Variants in WWC1 observed in about 807,000 individuals in gnomAD.
WWC1 encodes the protein WW and C2 domain containing 1.
Under a neutral mutation model 138.4 loss-of-function variants are expected in WWC1, and 55 were observed. That is an observed-to-expected ratio of 0.40 (90% CI 0.32 to 0.50). WWC1 has a LOEUF of 0.50. WWC1 is among the 20% of genes least tolerant of loss of function. The pLI, the probability that WWC1 is intolerant of heterozygous loss-of-function variation, is 0.72. For synonymous variants in WWC1, 524 were observed against 564.9 expected (o/e 0.93, Z 1.03); for missense variants, 1,226 against 1,420.4 (o/e 0.86, Z 2.20).
rs1225534681 is a variant in WWC1 at position 168,465,028 on chromosome 5, C to CG, written c.3150+70dup. 3.2e-6 allele frequency: 5 copies of CG among 1,560,168 alleles called. No homozygotes were observed. In the African/African-American group the frequency reaches 4.1e-5, roughly 13 times the overall value. On this transcript the variant is annotated intron_variant, in intron 21 of 22. Coordinates refer to ENST00000265293, the MANE Select transcript of WWC1 (RefSeq NM_015238.3). ...CCCAGAGAGTCGGGGGGCACTGCCCCGGGGAAGAGAGGCCAGAGCTCATGA... is the reference window on the plus strand; with the variant it reads ...CCCAGAGAGTCGGGGGGCACTGCCCCGGGGGAAGAGAGGCCAGAGCTCATGA...
At chr5:168,362,218 C>T (rs1240749828) in intron 1 of WWC1, among the ~76,000 whole-genome samples, 2 of 152,220 alleles carry the variant, frequency 1.3e-5, no homozygotes, top group Admixed American at 6.5e-5. Context: ...TGAATGGTAC[C>T]TGCCTGAAAG....
At chr5:168,339,874 T>TCTCTCC (rs1773852254) in intron 1 of WWC1, among the ~76,000 whole-genome samples, 1 of 145,508 alleles carries the variant, frequency 6.9e-6, no homozygotes, top group Non-Finnish European at 1.5e-5. Context: ...TCTCTCTCTC[T>TCTCTCC]CCCTCTCTCC....
At chr5:168,312,229 A>T (rs1251067892) in intron 1 of WWC1, among the ~76,000 whole-genome samples, 1 of 149,444 alleles carries the variant, frequency 6.7e-6, no homozygotes, top group Non-Finnish European at 1.5e-5. Flanking sequence ...AAAAAAAAAA[A>T]GGAACAATAA....
At chr5:168,310,549 G>C (rs560263677) in intron 1 of WWC1, among the ~76,000 whole-genome samples, 1 of 152,072 alleles carries the variant, frequency 6.6e-6, no homozygotes, top group Admixed American at 6.5e-5. Context: ...GAGTAAGTTG[G>C]AGGCCAGGCA....
At chr5:168,339,995 C>CTCTT (rs760003887) in intron 1 of WWC1, among the ~76,000 whole-genome samples, 7,544 of 103,136 alleles carry the variant, frequency 0.073, 322 homozygotes, top group African/African-American at 0.12. Flanking sequence ...TTCTCTCTCT[C>CTCTT]TCTTTCTCTC....
At chr5:168,428,661 G>A in intron 12 of WWC1, 46 bp from the exon 13 acceptor site, 1 of 1,591,278 alleles carries the variant, frequency 6.3e-7, no homozygotes, top group Non-Finnish European at 8.6e-7. Context: ...AGAATAGTTT[G>A]TTCACTGTAG....
At chr5:168,328,642 G>A (rs111873898) in intron 1 of WWC1, among the ~76,000 whole-genome samples, 2 of 152,092 alleles carry the variant, frequency 1.3e-5, no homozygotes, top group Admixed American at 6.6e-5. Flanking sequence ...CGCCTCCCGG[G>A]TTCAAGCAAT....
At chr5:168,296,960 G>A (rs534082383) in intron 1 of WWC1, among the ~76,000 whole-genome samples, 1 of 152,328 alleles carries the variant, frequency 6.6e-6, no homozygotes, top group African/African-American at 2.4e-5. Flanking sequence ...GGTGTGGTCA[G>A]GTCATGGGCA....
At chr5:168,320,577 G>A (rs1384480230) in intron 1 of WWC1, among the ~76,000 whole-genome samples, 2 of 152,186 alleles carry the variant, frequency 1.3e-5, no homozygotes, top group Admixed American at 1.3e-4. Context: ...TGAATTAATA[G>A]AGATAAGTCC....
intron 7 of WWC1, 105 bp from the exon 8 acceptor site, chr5:168,409,817 G>T (rs1780088079): frequency 1.7e-6 from 2 of 1,184,386 alleles, no homozygotes; most frequent in Admixed American, 1.7e-5. Context: ...GGCTATTCTT[G>T]GCTACTGCCC....
chr5:168,351,052 TAGG>T lies in WWC1; in HGVS notation c.120-20369_120-20367del. ...ATCTCAGCTACTTGGGAGGCTGAGGTAGGAGAATTACTTGAACCTGGGAGATGG... is the reference window on the plus strand; with the variant it reads ...ATCTCAGCTACTTGGGAGGCTGAGGTAGAATTACTTGAACCTGGGAGATGG... On this transcript the variant is annotated intron_variant, in intron 1 of 22. Coordinates refer to ENST00000265293, the MANE Select transcript of WWC1 (RefSeq NM_015238.3). 2.0e-5 allele frequency among the ~76,000 whole-genome samples: 3 copies of T among 150,700 alleles called. No homozygotes were observed. The South Asian group carries it at 6.3e-4, about 32-fold the overall frequency.
intron 1 of WWC1, among the ~76,000 whole-genome samples, chr5:168,337,793 T>C (rs537777451): frequency 1.3e-5 from 2 of 152,288 alleles, no homozygotes; most frequent in African/African-American, 4.8e-5. Context: ...TGAGGGGACC[T>C]CACTAGGATG....
At chr5:168,456,824 A>G (rs1181220300) in intron 19 of WWC1, among the ~76,000 whole-genome samples, 1 of 151,894 alleles carries the variant, frequency 6.6e-6, no homozygotes, top group East Asian at 1.9e-4. Flanking sequence ...GTTCTTTTTC[A>G]TCAGGATAGA....
intron 13 of WWC1, among the ~76,000 whole-genome samples, chr5:168,429,577 G>A (rs2152858895): frequency 6.6e-6 from 1 of 152,154 alleles, no homozygotes; most frequent in Non-Finnish European, 1.5e-5. Context: ...TTTTTAATAG[G>A]AATTAGTTGA....
At chr5:168,447,940 G>C (rs1276556833) in intron 17 of WWC1, among the ~76,000 whole-genome samples, 2 of 152,164 alleles carry the variant, frequency 1.3e-5, no homozygotes, top group African/African-American at 4.8e-5. Flanking sequence ...GCAAAGGTCT[G>C]ATGCCAGAAA....
chr5:168,375,305 A>T (rs756654094), intron 2 of WWC1, among the ~76,000 whole-genome samples: 53 of 152,238 alleles, frequency 3.5e-4, no homozygotes, highest in Non-Finnish European at 6.5e-4. Flanking sequence ...ATCAGAAAGG[A>T]GGGAGGGAAA....
chr5:168,368,484 G>A (rs1214444916), intron 1 of WWC1, among the ~76,000 whole-genome samples: 1 of 152,166 alleles, frequency 6.6e-6, no homozygotes, highest in Admixed American at 6.6e-5. Context: ...GGTTTTCTGG[G>A]TTGCAAACTG....
At chr5:168,426,061 A>G (rs1297907059) in intron 11 of WWC1, among the ~76,000 whole-genome samples, 4 of 152,194 alleles carry the variant, frequency 2.6e-5, no homozygotes, top group African/African-American at 4.8e-5. Flanking sequence ...TGCTGTGCCC[A>G]GAATTATCCA....
intron 2 of WWC1, among the ~76,000 whole-genome samples, chr5:168,375,627 G>A (rs1228146742): frequency 6.6e-6 from 1 of 151,922 alleles, no homozygotes; most frequent in African/African-American, 2.4e-5. Context: ...CCAGGCTGGA[G>A]TACAGTGGCA....
Sources: gnomAD v4.1 joint callset for allele counts (sites outside exome capture counted in the v4.1 genomes callset) on GRCh38, gnomAD v4.1.1 for gene constraint, MANE v1.5 for transcripts, NCBI Gene and HGNC (gene_info 2026-07-23, HGNC 2026-07-21) for gene names.